VPS53: variants seen among roughly 807,000 people sequenced by gnomAD.
VPS53 encodes the protein vacuolar protein sorting-associated protein 53 homolog.
In VPS53, 70 loss-of-function variants were observed where a neutral mutation model predicts 107.0. The ratio of observed to expected loss-of-function variants is 0.65; its 90% CI spans 0.54 to 0.80. The LOEUF (loss-of-function observed/expected upper bound fraction) is 0.80. VPS53 is among the 30% of genes least tolerant of loss of function. The pLI is 0.00. For synonymous variants in VPS53, 409 were observed against 393.3 expected (o/e 1.04, Z -0.47); for missense variants, 917 against 1,049.4 (o/e 0.87, Z 1.74).
chr17:597,812 G>A (rs188076311), intron 12 of VPS53, among the ~76,000 whole-genome samples: 42 of 151,504 alleles, frequency 2.8e-4, no homozygotes, highest in African/African-American at 9.4e-4. Flanking sequence ...TCAGGTGATC[G>A]GCCTGCCTCA....
At chr17:660,572 C>T (rs1330825348) in intron 5 of VPS53, among the ~76,000 whole-genome samples, 6 of 152,154 alleles carry the variant, frequency 3.9e-5, no homozygotes, top group South Asian at 2.1e-4. Flanking sequence ...AAAGCAGCAT[C>T]GGATACTCTC....
chr17:701,879 C>T (rs572489678), intron 2 of VPS53, among the ~76,000 whole-genome samples: 34 of 152,150 alleles, frequency 2.2e-4, no homozygotes, highest in Admixed American at 9.2e-4. Flanking sequence ...AAGGTACATG[C>T]ACTGAGCCTG....
chr17:654,749 A>G (rs1308985048), intron 6 of VPS53, among the ~76,000 whole-genome samples: 1 of 148,348 alleles, frequency 6.7e-6, no homozygotes, highest in Non-Finnish European at 1.5e-5. Context: ...AAAAAAAAAA[A>G]AAAAAGAAAA....
At chr17:663,357 G>T (rs913331598) in intron 4 of VPS53, among the ~76,000 whole-genome samples, 2 of 152,264 alleles carry the variant, frequency 1.3e-5, no homozygotes, top group Non-Finnish European at 2.9e-5. Context: ...GTGGAGACCA[G>T]AAAGTTCCTG....
At chr17:548,121 C>T (rs796756578) in intron 17 of VPS53, among the ~76,000 whole-genome samples, 6 of 152,312 alleles carry the variant, frequency 3.9e-5, no homozygotes, top group African/African-American at 1.4e-4. Flanking sequence ...GTAAACATGG[C>T]TGCGACTGGA....
intron 7 of VPS53, among the ~76,000 whole-genome samples, chr17:648,560 A>G (rs2143437519): frequency 6.6e-6 from 1 of 152,360 alleles, no homozygotes; most frequent in South Asian, 2.1e-4. Flanking sequence ...CAAAAAATAA[A>G]CAAATAAAAT....
chr17:692,827 CCT>C (rs1170520775), intron 4 of VPS53, among the ~76,000 whole-genome samples: 3 of 152,058 alleles, frequency 2.0e-5, no homozygotes, highest in African/African-American at 4.8e-5. Flanking sequence ...ATGGTGAAAC[CCT>C]GTCTCTACTA....
chr17:628,803 A>G (rs1158662790), intron 8 of VPS53, among the ~76,000 whole-genome samples: 11 of 152,240 alleles, frequency 7.2e-5, no homozygotes, highest in African/African-American at 2.7e-4. Flanking sequence ...AAAGGCAGCC[A>G]AAGAGAAAAT....
At chr17:594,219 C>A (rs4968088) in intron 12 of VPS53, among the ~76,000 whole-genome samples, 150,936 of 152,298 alleles carry the variant, frequency 0.99, 74,813 homozygotes, top group East Asian at 1. Context: ...CTAATGCTAG[C>A]TGACGAGTTT....
intron 4 of VPS53, among the ~76,000 whole-genome samples, chr17:669,790 G>A (rs944157070): frequency 1.6e-4 from 24 of 151,704 alleles, no homozygotes; most frequent in African/African-American, 5.1e-4. Flanking sequence ...TACTCGGGAG[G>A]CTGAGGCAGG....
At chr17:542,881 G>A (rs895602828) in intron 17 of VPS53, among the ~76,000 whole-genome samples, 1 of 151,732 alleles carries the variant, frequency 6.6e-6, no homozygotes, top group Non-Finnish European at 1.5e-5. Flanking sequence ...GGGAGGCTGA[G>A]GCAGGAGAAT....
chr17:599,766 A>T (rs548955656), intron 12 of VPS53, among the ~76,000 whole-genome samples: 61 of 97,534 alleles, frequency 6.3e-4, no homozygotes, highest in Non-Finnish European at 9.4e-4. Context: ...AAATAAATTA[A>T]AAAAAAAAAC....
At position 548,599 on chromosome 17, in the gene VPS53, C is replaced by G. The variant is rs141469402; in HGVS notation, c.1866+3273G>C. Among the ~76,000 whole-genome samples, 302 of 130,516 alleles carry G rather than the reference C, an allele frequency of 2.3e-3. 24 individuals carry two copies. In the East Asian group the frequency reaches 0.048, roughly 21 times the overall value. 85.6% of individuals were successfully genotyped at this position (130,516 alleles called of 152,430 possible). A position where few individuals can be genotyped will look rare whatever the true frequency, so the allele number is the denominator to read the frequency against. ...TCTGGAAATATCCAACGACTACACT[C>G]CACTTTGGCCAGCCAACAGTCCTTC... On this transcript the variant is annotated intron_variant, in intron 17 of 21. Transcript: ENST00000437048.
intron 13 of VPS53, among the ~76,000 whole-genome samples, chr17:584,964 G>A (rs1967235260): frequency 6.6e-6 from 1 of 152,210 alleles, no homozygotes. Flanking sequence ...AAATGTAGAA[G>A]AAATGATGAA....
At chr17:672,670 A>C (rs1171692136) in intron 4 of VPS53, among the ~76,000 whole-genome samples, 2 of 152,220 alleles carry the variant, frequency 1.3e-5, no homozygotes, top group Non-Finnish European at 2.9e-5. Context: ...TCTTTTGTTC[A>C]TTCATTCAAT....
At chr17:577,884 G>C (rs979834327) in intron 13 of VPS53, among the ~76,000 whole-genome samples, 11 of 141,938 alleles carry the variant, frequency 7.7e-5, no homozygotes, top group Admixed American at 7.7e-4. Flanking sequence ...ACCTAATGTG[G>C]TCCCAGAGAA....
intron 4 of VPS53, among the ~76,000 whole-genome samples, chr17:673,150 G>A (rs895672630): frequency 6.6e-6 from 1 of 151,684 alleles, no homozygotes; most frequent in Non-Finnish European, 1.5e-5. Flanking sequence ...AAAAACAACG[G>A]CAGCATCATT....
At chr17:609,514 T>TA (rs1291840757) in intron 11 of VPS53, among the ~76,000 whole-genome samples, 3 of 151,488 alleles carry the variant, frequency 2.0e-5, no homozygotes, top group Admixed American at 6.6e-5. Flanking sequence ...AATGTGTAAT[T>TA]AAAAAAAAAG....
At chr17:645,983 G>C in intron 7 of VPS53, among the ~76,000 whole-genome samples, 1 of 133,914 alleles carries the variant, frequency 7.5e-6, no homozygotes. Flanking sequence ...CCTCCTAAGG[G>C]TCTTATCTTT....
Sources: gnomAD v4.1 joint callset for allele counts (sites outside exome capture counted in the v4.1 genomes callset) on GRCh38, gnomAD v4.1.1 for gene constraint, MANE v1.5 for transcripts, NCBI Gene and HGNC (gene_info 2026-07-23, HGNC 2026-07-21) for gene names.